Variants in IL23R observed in about 807,000 individuals in gnomAD.
The protein encoded by IL23R is interleukin-23 receptor.
IL23R carries 34 observed loss-of-function variants against 56.9 expected under a neutral mutation model. The observed-to-expected ratio is 0.60, with a 90% CI of 0.45 to 0.80. IL23R has a LOEUF of 0.80. Ranked by LOEUF, IL23R falls within the 30% of genes least tolerant of loss-of-function variation. The probability of loss-of-function intolerance (pLI) is 0.00; values close to 1 mark genes in which losing one functional copy is unlikely to be tolerated. For missense variants in IL23R, 635 were observed against 730.0 expected (o/e 0.87, Z 1.50); for synonymous variants, 230 against 249.2 (o/e 0.92, Z 0.73).
chr1:67,204,025 G>A (rs992608389), intron 5 of IL23R, among the ~76,000 whole-genome samples: 68 of 152,192 alleles, frequency 4.5e-4, no homozygotes, highest in African/African-American at 1.6e-3. Context: ...TTCAATACGA[G>A]TAGAATTTAA....
downstream of IL23R, among the ~76,000 whole-genome samples, chr1:67,264,274 G>A (rs1428194864): frequency 6.6e-6 from 1 of 152,120 alleles, no homozygotes; most frequent in Non-Finnish European, 1.5e-5. Context: ...ATAAATGTCT[G>A]GGCTTTGTTC....
chr1:67,184,978 GAC>G (rs1647247904), intron 4 of IL23R, among the ~76,000 whole-genome samples: 1 of 152,182 alleles, frequency 6.6e-6, no homozygotes, highest in Non-Finnish European at 1.5e-5. Flanking sequence ...ACCCTGTGAG[GAC>G]ACAACCAGAA....
Position 67,240,229 on chromosome 1 carries a change from A to G in IL23R, c.1096A>G (p.Met366Val). ...ATTGGGAATGATCGTCTTTGCTGTT[A>G]TGTTGTCAATTCTTTCTTTGATTGG... Reference protein sequence around the residue: ...LLLGMIVFAVMLSILSLIGIF... With the variant: ...LLLGMIVFAVVLSILSLIGIF... The change falls in exon 9 of 11, where the codon ATG becomes GTG. Residue 366 changes from methionine (M) to valine (V), a missense_variant. Transcript: ENST00000347310. 6 of 1,613,452 alleles carry G rather than the reference A, an allele frequency of 3.7e-6. No individual in the cohort carries two copies. Among genetic ancestry groups the G allele is most frequent in the Non-Finnish European group, 4.2e-6 (5 of 1,179,486 alleles).
chr1:67,212,102 A>AG (rs56766120), intron 6 of IL23R, among the ~76,000 whole-genome samples: 124,922 of 152,110 alleles, frequency 0.82, 51,883 homozygotes, highest in East Asian at 0.99. Context: ...ATCCAAAGCC[A>AG]CTTCTGTCTC....
intron 4 of IL23R, among the ~76,000 whole-genome samples, chr1:67,193,145 T>G (rs1570818399): frequency 6.6e-6 from 1 of 152,182 alleles, no homozygotes; most frequent in African/African-American, 2.4e-5. Flanking sequence ...CCTAGAATGC[T>G]CTTCCTCCAG....
intron 1 of IL23R, among the ~76,000 whole-genome samples, chr1:67,140,238 G>A (rs1290096872): frequency 1.3e-5 from 2 of 152,048 alleles, no homozygotes; most frequent in African/African-American, 4.8e-5. Context: ...AATATTTAAA[G>A]TAAAAAATTG....
intron 5 of IL23R, among the ~76,000 whole-genome samples, chr1:67,203,951 C>G (rs11580078): frequency 0.37 from 56,627 of 152,086 alleles, 11,652 homozygotes; most frequent in Admixed American, 0.5. Context: ...TACTTCTCCC[C>G]ATTATATAAA....
intron 10 of IL23R, among the ~76,000 whole-genome samples, 172 bp downstream of exon 10, chr1:67,256,099 A>G (rs1169635813): frequency 2.6e-5 from 4 of 152,250 alleles, no homozygotes; most frequent in Non-Finnish European, 5.9e-5. Context: ...CTTAAAAGAG[A>G]TGAGACAATA....
At chr1:67,167,141 C>T (rs1373298363) in intron 1 of IL23R, among the ~76,000 whole-genome samples, 1 of 152,126 alleles carries the variant, frequency 6.6e-6, no homozygotes, top group Non-Finnish European at 1.5e-5. Context: ...CTCACTCTGT[C>T]GCCCAGGCTG....
intron 7 of IL23R, among the ~76,000 whole-genome samples, chr1:67,224,149 A>G (rs933344561): frequency 7.9e-5 from 12 of 152,218 alleles, no homozygotes; most frequent in Admixed American, 6.5e-4. Flanking sequence ...TGGAGAAGAC[A>G]CACAGTAAAA....
At chr1:67,192,355 G>T (rs1482184506) in intron 4 of IL23R, among the ~76,000 whole-genome samples, 1 of 152,130 alleles carries the variant, frequency 6.6e-6, no homozygotes, top group East Asian at 1.9e-4. Context: ...ATGTAAGCAT[G>T]GGCCTCTTCT....
chr1:67,263,079 T>TGTGC (rs929187608), downstream of IL23R, among the ~76,000 whole-genome samples: 1 of 150,648 alleles, frequency 6.6e-6, no homozygotes. Context: ...TGTACGTGTG[T>TGTGC]GTGCGTGTGT....
chr1:67,206,513 A>C (rs1649071417), intron 5 of IL23R, among the ~76,000 whole-genome samples: 1 of 152,048 alleles, frequency 6.6e-6, no homozygotes, highest in Admixed American at 6.6e-5. Flanking sequence ...ATCTGAACTA[A>C]ATTTGGGTGC....
At chr1:67,176,525 T>C (rs1398619879) in intron 3 of IL23R, among the ~76,000 whole-genome samples, 3 of 152,204 alleles carry the variant, frequency 2.0e-5, no homozygotes, top group Non-Finnish European at 1.5e-5. Flanking sequence ...AAATTCCCTT[T>C]TCAGTGAAAA....
intron 7 of IL23R, among the ~76,000 whole-genome samples, chr1:67,229,292 G>T (rs1650941979): frequency 6.6e-6 from 1 of 152,118 alleles, no homozygotes; most frequent in Non-Finnish European, 1.5e-5. Flanking sequence ...ATGATTACTG[G>T]TTTATGATAA....
At position 67,252,804 on chromosome 1, in the gene IL23R, C is replaced by CAA. The variant is rs1207921503; in HGVS notation, c.1149-3019_1149-3018dup. 6.2e-4 allele frequency among the ~76,000 whole-genome samples: 33 copies of CAA among 53,456 alleles called. 1 individual carries two copies. The highest frequency in any genetic ancestry group is 8.2e-4 in the African/African-American group (13 of 15,814). 35.1% of individuals were successfully genotyped at this position (53,456 alleles called of 152,430 possible). A position where few individuals can be genotyped will look rare whatever the true frequency, so the allele number is the denominator to read the frequency against. ...CTTGTGGTCAGAACAAATTTATAGA[C>CAA]AAAAAAAAAAAAAAAGAGAGAAGTG... On this transcript the variant is annotated intron_variant, in intron 9 of 10. Transcript: ENST00000347310.
In IL23R at chr1:67,169,602, G is replaced by A. The variant is rs1250378988; in HGVS notation, c.331G>A (p.Glu111Lys). Residue 111 changes from glutamate (E) to lysine (K), a missense_variant, in exon 3 of 11, where the codon GAG becomes AAG. Glu to Lys is a moderately conservative substitution (Grantham distance 56). Transcript: ENST00000347310. ...TGCTGAATGTCCCAAACATTTTCAA[G>A]AGACACTGATATGTGGAAAAGACAT... ...CTAECPKHFQ[E>K]TLICGKDISS... 6.2e-7 allele frequency: 1 copy of A among 1,614,134 alleles called. No individual in the cohort carries two copies. The highest frequency in any genetic ancestry group is 8.5e-7 in the Non-Finnish European group (1 of 1,180,008).
At chr1:67,191,053 G>A (rs891721541) in intron 4 of IL23R, among the ~76,000 whole-genome samples, 1 of 152,158 alleles carries the variant, frequency 6.6e-6, no homozygotes, top group Non-Finnish European at 1.5e-5. Context: ...AGAGCTAATT[G>A]TGGCTGGAGA....
intron 5 of IL23R, among the ~76,000 whole-genome samples, chr1:67,202,620 T>C (rs1334515696): frequency 6.6e-6 from 1 of 152,192 alleles, no homozygotes; most frequent in Non-Finnish European, 1.5e-5. Flanking sequence ...AAAACTGAGG[T>C]TTGATGGCAT....
Sources: allele counts gnomAD v4.1 joint callset (sites outside exome capture counted in the v4.1 genomes callset), GRCh38; gene constraint gnomAD v4.1.1; transcripts MANE v1.5; gene names NCBI Gene and HGNC (gene_info 2026-07-23, HGNC 2026-07-21).